The following RMDN3 variants were observed in gnomAD, a reference collection of about 807,000 sequenced individuals.
The protein encoded by RMDN3 is regulator of microtubule dynamics 3, also known as regulator of microtubule dynamics protein 3.
A neutral mutation model predicts 61.8 loss-of-function variants in RMDN3; 41 were observed. That is an observed-to-expected ratio of 0.66 (90% CI 0.52 to 0.86). RMDN3 has a LOEUF of 0.86. RMDN3 is among the 40% of genes least tolerant of loss of function. The pLI, the probability that RMDN3 is intolerant of heterozygous loss-of-function variation, is 0.00. For synonymous variants in RMDN3, 247 were observed against 232.0 expected (o/e 1.06, Z -0.59); for missense variants, 557 against 585.3 (o/e 0.95, Z 0.50).
At chr15:40,741,373 T>A (rs535806093) in intron 6 of RMDN3, among the ~76,000 whole-genome samples, 194 of 151,818 alleles carry the variant, frequency 1.3e-3, no homozygotes, top group African/African-American at 4.6e-3. Context: ...GGATCCACGA[T>A]CCAACAATAT....
At chr15:40,753,603 C>T (rs928696630) in intron 2 of RMDN3, among the ~76,000 whole-genome samples, 1 of 152,228 alleles carries the variant, frequency 6.6e-6, no homozygotes, top group South Asian at 2.1e-4. Flanking sequence ...AGCCCTAGAT[C>T]CTTTGCTCAA....
At position 40,738,581 on chromosome 15, in the gene RMDN3, G is replaced by T. The variant is rs368334556; in HGVS notation, c.972-5C>A. The T allele has an allele frequency of 1.2e-5, 20 of 1,613,910 alleles. No individual in the cohort carries two copies. Among genetic ancestry groups the T allele is most frequent in the African/African-American group, 9.3e-5 (7 of 74,894 alleles). ...TGACCACAAAGCACCGCATACCTAG[G>T]GGGGAAGCAGCAAGCTCAGGGACAA... On this transcript the variant is annotated splice_polypyrimidine_tract_variant and splice_region_variant and intron_variant, in intron 7 of 12. Transcript: ENST00000338376.
At chr15:40,737,820 G>A (rs1897121637) in intron 9 of RMDN3, 94 bp from the exon 10 acceptor site, 1 of 1,480,050 alleles carries the variant, frequency 6.8e-7, no homozygotes, top group Non-Finnish European at 9.4e-7. Context: ...GTCAAACGGG[G>A]CTGGGTCGAA....
chr15:40,749,358 A>G (rs992784736), intron 4 of RMDN3, among the ~76,000 whole-genome samples: 1 of 152,234 alleles, frequency 6.6e-6, no homozygotes, highest in Admixed American at 6.5e-5. Context: ...TACAAAAAAA[A>G]TAAATAGAAT....
At position 40,754,646 on chromosome 15, in the gene RMDN3, G is replaced by A. The variant is rs1181344814; in HGVS notation, c.138C>T (p.Ser46=). 1 of 1,614,178 alleles carries A rather than the reference G, an allele frequency of 6.2e-7. No individual in the cohort carries two copies. The highest frequency in any genetic ancestry group is 1.7e-5 in the Admixed American group (1 of 60,024). The change falls in exon 2 of 13, where the codon AGC becomes AGT. Residue 46 remains serine (S), a synonymous_variant. Coordinates refer to ENST00000338376, the MANE Select transcript of RMDN3 (RefSeq NM_018145.3). The part of the protein sequence containing the change: ...KRTQRHGRSQ[S]LPNSLDYTQT... ...GCGTATAGTCCAGGGAGTTGGGCAG[G>A]CTCTGGCTGCGGCCATGACGCTGGG... is the stretch of plus-strand genomic sequence containing the variant.
At chr15:40,740,958 C>T (rs1175102716) in intron 6 of RMDN3, among the ~76,000 whole-genome samples, 6 of 151,834 alleles carry the variant, frequency 4.0e-5, no homozygotes, top group Non-Finnish European at 8.8e-5. Flanking sequence ...GTTGGCACAT[C>T]CTGTAGTCCC....
Position 40,750,663 on chromosome 15 carries a change from C to T in RMDN3, c.524+763G>A, listed in dbSNP as rs191981824. 9.2e-5 allele frequency among the ~76,000 whole-genome samples: 14 copies of T among 152,296 alleles called. No individual in the cohort carries two copies. The East Asian group carries it at 2.7e-3, about 29-fold the overall frequency. The stretch of plus-strand genomic sequence containing the variant: ...ATGTACCTGCTTATAGCTAATTCCT[C>T]TGATCCAGCATAAAACTTGGCTGTT... On this transcript the variant is annotated intron_variant, in intron 4 of 12. Transcript: ENST00000338376.
intron 9 of RMDN3, 60 bp from the exon 10 acceptor site, chr15:40,737,786 C>A (rs1179734558): frequency 6.4e-7 from 1 of 1,558,010 alleles, no homozygotes; most frequent in East Asian, 2.2e-5. Flanking sequence ...TTCTTTAAAT[C>A]TTTGGGGATA....
At chr15:40,750,739 T>A (rs1897784903) in intron 4 of RMDN3, among the ~76,000 whole-genome samples, 1 of 152,178 alleles carries the variant, frequency 6.6e-6, no homozygotes, top group Non-Finnish European at 1.5e-5. Context: ...CAAGGAGAAA[T>A]CGGCCTCTAG....
At chr15:40,752,914 G>C (rs1035082338) in intron 2 of RMDN3, among the ~76,000 whole-genome samples, 2 of 152,170 alleles carry the variant, frequency 1.3e-5, no homozygotes, top group South Asian at 4.1e-4. Context: ...CCTTCTTAAA[G>C]GAAATCTGGT....
chr15:40,736,668 G>C (rs1276224805), intron 12 of RMDN3, 74 bp from the exon 13 acceptor site: 2 of 1,330,008 alleles, frequency 1.5e-6, no homozygotes, highest in South Asian at 2.4e-5. Flanking sequence ...AACCTAAGAA[G>C]AGGGGCCCTT....
Position 40,737,713 on chromosome 15 carries a change from C to T in RMDN3, c.1139G>A (p.Ser380Asn). ...GRWCYQVSHL[S>N]WLEKKTATAL... ...TGTAGCAGTTTTTTTTTCTAGCCAG[C>T]TCAGGTGAGAGACCTGCCACAAAAA... Residue 380 changes from serine to asparagine, a missense_variant, in exon 10 of 13, where the codon AGC becomes AAC. Physicochemically the swap from Ser to Asn is conservative, Grantham distance 46 (BLOSUM62 1). Coordinates refer to ENST00000338376, the MANE Select transcript of RMDN3 (RefSeq NM_018145.3). 1.2e-6 allele frequency: 2 copies of T among 1,613,998 alleles called. No homozygotes were observed. The highest frequency in any genetic ancestry group is 2.2e-5 in the South Asian group (2 of 91,074).
At chr15:40,746,269 A>C (rs2141916264) in intron 4 of RMDN3, among the ~76,000 whole-genome samples, 1 of 152,336 alleles carries the variant, frequency 6.6e-6, no homozygotes, top group Non-Finnish European at 1.5e-5. Flanking sequence ...TAATCCCAGC[A>C]CTTTGGGAGG....
Position 40,744,124 on chromosome 15 carries a change from CAG to C in RMDN3, c.831_832del (p.Trp278AlafsTer8). Reference sequence around the variant, plus strand: ...GTCACTGTAGGCTCGGGCCAGGCGCCAGAGAAAGTCCTGCCGGCTTCCATACT... The same window carrying C: ...GTCACTGTAGGCTCGGGCCAGGCGCCAGAAAGTCCTGCCGGCTTCCATACT... On this transcript the variant is annotated frameshift_variant, in exon 6 of 13. Transcript: ENST00000338376. LOFTEE classifies it high-confidence loss of function. 1.2e-6 allele frequency: 2 copies of C among 1,613,582 alleles called. No homozygotes were observed. Among genetic ancestry groups the C allele is most frequent in the Non-Finnish European group, 1.7e-6 (2 of 1,180,028 alleles).
intron 6 of RMDN3, 146 bp from the exon 7 acceptor site, chr15:40,740,339 T>C (rs1897230862): frequency 1.5e-6 from 1 of 681,968 alleles, no homozygotes; most frequent in East Asian, 2.7e-5. Context: ...TTGAGCAGAA[T>C]GAAAGGCCGC....
Position 40,740,281 on chromosome 15 carries a change from C to T in RMDN3, c.911-88G>A, listed in dbSNP as rs1897228751. The T allele has an allele frequency of 5.8e-6, 5 of 862,188 alleles. No individual in the cohort carries two copies. The South Asian group carries it at 7.0e-5, about 12-fold the overall frequency. 53.4% of individuals were successfully genotyped at this position (862,188 alleles called of 1,614,324 possible). A position where few individuals can be genotyped will look rare whatever the true frequency, so the allele number is the denominator to read the frequency against. On this transcript the variant is annotated intron_variant, in intron 6 of 12. Coordinates refer to ENST00000338376, the MANE Select transcript of RMDN3 (RefSeq NM_018145.3). Reference sequence around the variant, plus strand: ...TGTGGGAAGAATGACTGCTTTAGCTCTCACCAATCCCTACCCAGCTTGGAC... The same window carrying T: ...TGTGGGAAGAATGACTGCTTTAGCTTTCACCAATCCCTACCCAGCTTGGAC...
chr15:40,738,716 T>C, intron 7 of RMDN3, 140 bp from the exon 8 acceptor site: 1 of 744,574 alleles, frequency 1.3e-6, no homozygotes. Context: ...TTTTCATCTG[T>C]ACGTAATCCC....
chr15:40,745,292 T>C, intron 4 of RMDN3, 33 bp from the exon 5 acceptor site: 3 of 1,603,972 alleles, frequency 1.9e-6, no homozygotes, highest in South Asian at 1.1e-5. Flanking sequence ...AACAAGAGGA[T>C]TATTCAGCTC....
intron 1 of RMDN3, 71 bp from the exon 2 acceptor site, chr15:40,754,861 C>G: frequency 7.5e-7 from 1 of 1,342,156 alleles, no homozygotes; most frequent in Non-Finnish European, 1.0e-6. Flanking sequence ...GAGAGAGATT[C>G]GTGAACCCGG....
Sources: allele counts gnomAD v4.1 joint callset (sites outside exome capture counted in the v4.1 genomes callset), GRCh38; gene constraint gnomAD v4.1.1; transcripts MANE v1.5; gene names NCBI Gene and HGNC (gene_info 2026-07-23, HGNC 2026-07-21).